CCSER1: variants seen among roughly 807,000 people sequenced by gnomAD.
CCSER1 encodes the protein serine-rich coiled-coil domain-containing protein 1.
Under a neutral mutation model 82.0 loss-of-function variants are expected in CCSER1, and 41 were observed. The observed-to-expected ratio is 0.50, with a 90% confidence interval of 0.39 to 0.65. The LOEUF (loss-of-function observed/expected upper bound fraction) is 0.65. Among genes scored for constraint, CCSER1 ranks in the 30% least tolerant of loss-of-function variants. CCSER1 has a pLI of 0.00. For missense variants in CCSER1, 1,119 were observed against 1,064.2 expected (o/e 1.05, Z -0.72); for synonymous variants, 414 against 383.9 (o/e 1.08, Z -0.92).
intron 9 of CCSER1, among the ~76,000 whole-genome samples, chr4:91,074,507 C>G (rs145214962): frequency 6.6e-6 from 1 of 152,042 alleles, no homozygotes; most frequent in Admixed American, 6.6e-5. Context: ...GGAACCTGGC[C>G]CATGAAATGG....
chr4:90,797,024 C>T (rs890044301), intron 7 of CCSER1, among the ~76,000 whole-genome samples: 2 of 151,926 alleles, frequency 1.3e-5, no homozygotes, highest in African/African-American at 2.4e-5. Context: ...GTGCTGAGTT[C>T]GTGTCTTGAA....
chr4:91,168,716 C>T (rs570878678), intron 10 of CCSER1, among the ~76,000 whole-genome samples: 8 of 152,158 alleles, frequency 5.3e-5, no homozygotes, highest in Admixed American at 2.0e-4. Flanking sequence ...CAGCGACCAT[C>T]GAGAATGGGC....
At chr4:90,312,723 G>C in intron 2 of CCSER1, 140 bp from the exon 3 acceptor site, 1 of 667,530 alleles carries the variant, frequency 1.5e-6, no homozygotes, top group Admixed American at 2.9e-5. Flanking sequence ...GAACTAAACT[G>C]ATGCTATACA....
intron 8 of CCSER1, among the ~76,000 whole-genome samples, chr4:90,905,131 A>T (rs931703518): frequency 3.1e-4 from 47 of 152,072 alleles, no homozygotes; most frequent in African/African-American, 1.1e-3. Flanking sequence ...TTTTGCAAAA[A>T]GCATTTCCTC....
chr4:90,611,929 A>G (rs542902673), intron 5 of CCSER1, among the ~76,000 whole-genome samples: 1 of 151,564 alleles, frequency 6.6e-6, no homozygotes, highest in Non-Finnish European at 1.5e-5. Flanking sequence ...CATTTATTAT[A>G]GAAACTTTCT....
At chr4:90,810,856 G>A (rs1446302485) in intron 7 of CCSER1, among the ~76,000 whole-genome samples, 45 of 85,796 alleles carry the variant, frequency 5.2e-4, no homozygotes, top group Non-Finnish European at 9.4e-4. Flanking sequence ...TTTTTGAGAC[G>A]GAGTCTCGCT....
At chr4:91,314,082 C>T (rs1745668995) in intron 10 of CCSER1, among the ~76,000 whole-genome samples, 1 of 151,940 alleles carries the variant, frequency 6.6e-6, no homozygotes, top group South Asian at 2.1e-4. Flanking sequence ...TTTAGCTTCT[C>T]TTTCCTATTC....
chr4:91,258,293 A>T (rs1740849015), intron 10 of CCSER1, among the ~76,000 whole-genome samples: 1 of 152,108 alleles, frequency 6.6e-6, no homozygotes, highest in Non-Finnish European at 1.5e-5. Context: ...TAAAAACTGG[A>T]TGGCTAATAT....
At chr4:91,233,795 T>C (rs943146144) in intron 10 of CCSER1, among the ~76,000 whole-genome samples, 1 of 151,948 alleles carries the variant, frequency 6.6e-6, no homozygotes, top group Non-Finnish European at 1.5e-5. Context: ...TTAAAGTACA[T>C]GTTAAGGATT....
intron 10 of CCSER1, among the ~76,000 whole-genome samples, chr4:91,121,508 A>C (rs1727086678): frequency 6.6e-6 from 1 of 151,620 alleles, no homozygotes; most frequent in African/African-American, 2.4e-5. Flanking sequence ...GTAAAGAAAA[A>C]TTACATTGAG....
intron 9 of CCSER1, among the ~76,000 whole-genome samples, chr4:91,033,596 C>T (rs1395118217): frequency 6.6e-6 from 1 of 152,112 alleles, no homozygotes; most frequent in African/African-American, 2.4e-5. Context: ...ATTTTAAGCC[C>T]TGCTCCCAGT....
intron 7 of CCSER1, chr4:90,727,401 T>C: frequency 2.5e-6 from 1 of 404,434 alleles, no homozygotes; most frequent in East Asian, 7.1e-5. Flanking sequence ...GCTTAGCCAT[T>C]AAGTTTTTTA....
intron 3 of CCSER1, among the ~76,000 whole-genome samples, chr4:90,396,533 T>G (rs1465011266): frequency 6.6e-6 from 1 of 152,198 alleles, no homozygotes; most frequent in Non-Finnish European, 1.5e-5. Flanking sequence ...TCAATTTGTA[T>G]TTTTTAAATT....
At chr4:90,849,621 C>G (rs996837109) in intron 8 of CCSER1, among the ~76,000 whole-genome samples, 1 of 151,708 alleles carries the variant, frequency 6.6e-6, no homozygotes, top group South Asian at 2.1e-4. Flanking sequence ...AACTCCGTCT[C>G]TACTAAAAAT....
chr4:91,305,835 C>CA lies in CCSER1; in HGVS notation c.2217+219842dup, dbSNP rs1276039291. On this transcript the variant is annotated intron_variant, in intron 10 of 10. Coordinates refer to ENST00000509176, the MANE Select transcript of CCSER1 (RefSeq NM_001145065.2). The stretch of plus-strand genomic sequence containing the variant: ...CGAAGGAGGAGCAAGGCGCCTCTTA[C>CA]ACGGCAGCAGGCAGAAGAGCGTGTT... 6.6e-5 allele frequency among the ~76,000 whole-genome samples: 10 copies of CA among 152,090 alleles called. No individual in the cohort carries two copies. The South Asian group carries it at 2.1e-3, about 32-fold the overall frequency.
In CCSER1 at chr4:90,913,408, G is replaced by A. The variant is rs943687482; in HGVS notation, c.2095-9962G>A. ...GCCAAAATAAGCTTCATAAGTGGAG[G>A]AGAAATAAAATCCTTTACAGACAAG... On this transcript the variant is annotated intron_variant, in intron 8 of 10. Transcript: ENST00000509176. 2.6e-5 allele frequency among the ~76,000 whole-genome samples: 4 copies of A among 152,070 alleles called. No individual in the cohort carries two copies. The East Asian group carries it at 5.8e-4, about 22-fold the overall frequency.
chr4:90,201,296 A>G (rs1737655974), intron 1 of CCSER1, among the ~76,000 whole-genome samples: 1 of 152,110 alleles, frequency 6.6e-6, no homozygotes, highest in African/African-American at 2.4e-5. Context: ...TTTGGGTTCT[A>G]TATATCTTGT....
At chr4:90,495,540 C>T (rs1027516194) in intron 5 of CCSER1, among the ~76,000 whole-genome samples, 17 of 151,990 alleles carry the variant, frequency 1.1e-4, no homozygotes, top group Middle Eastern at 3.2e-3. Flanking sequence ...AATAACTTCT[C>T]CAAAATAAAC....
intron 9 of CCSER1, among the ~76,000 whole-genome samples, chr4:91,010,040 C>G (rs909240086): frequency 7.2e-5 from 11 of 151,990 alleles, no homozygotes; most frequent in African/African-American, 2.7e-4. Context: ...TCTTTTGTTT[C>G]TACTTGAAGA....
Sources: allele counts gnomAD v4.1 joint callset (sites outside exome capture counted in the v4.1 genomes callset), GRCh38; gene constraint gnomAD v4.1.1; transcripts MANE v1.5; gene names NCBI Gene and HGNC (gene_info 2026-07-23, HGNC 2026-07-21).